The following NUP98 variants were observed in gnomAD, a reference collection of about 807,000 sequenced individuals.
NUP98 encodes nuclear pore complex protein Nup98-Nup96.
Under a neutral mutation model 191.9 loss-of-function variants are expected in NUP98, and 26 were observed. The observed-to-expected ratio is 0.14, with a 90% CI of 0.10 to 0.19. The LOEUF is 0.19. Ranked by LOEUF, NUP98 falls within the 10% of genes least tolerant of loss-of-function variation. The pLI, the probability that NUP98 is intolerant of heterozygous loss-of-function variation, is 1.00. For missense variants in NUP98, 1,941 were observed against 2,178.8 expected, an observed-to-expected ratio of 0.89 and a Z score of 2.17; for synonymous variants, 808 against 778.4, an observed-to-expected ratio of 1.04 and a Z score of -0.63.
At chr11:3,711,282 C>G (rs1448640697) in intron 20 of NUP98, among the ~76,000 whole-genome samples, 1 of 152,074 alleles carries the variant, frequency 6.6e-6, no homozygotes, top group African/African-American at 2.4e-5. Context: ...CTTACTACCT[C>G]TTTTTGCTAG....
chr11:3,742,684 G>A (rs1476360357), intron 12 of NUP98, among the ~76,000 whole-genome samples: 1 of 116,832 alleles, frequency 8.6e-6, no homozygotes, highest in Non-Finnish European at 1.6e-5. Flanking sequence ...AGGAGATAGA[G>A]CAAGACTCTG....
At chr11:3,723,533 T>C in intron 15 of NUP98, 78 bp from the exon 16 acceptor site, 1 of 1,212,044 alleles carries the variant, frequency 8.3e-7, no homozygotes, top group African/African-American at 1.5e-5. Flanking sequence ...TACCGAGCCT[T>C]TACTAAGTGC....
intron 27 of NUP98, among the ~76,000 whole-genome samples, chr11:3,692,699 T>C (rs1480664358): frequency 6.6e-6 from 1 of 152,192 alleles, no homozygotes; most frequent in African/African-American, 2.4e-5. Context: ...TGGTAAAGAT[T>C]TCAGGTAGCT....
At chr11:3,700,980 T>C in intron 23 of NUP98, 141 bp from the exon 24 acceptor site, 1 of 657,146 alleles carries the variant, frequency 1.5e-6, no homozygotes, top group East Asian at 2.7e-5. Context: ...AAATTTTGTT[T>C]CTTAAACTAT....
At chr11:3,677,097 GAAA>G (rs1031849752) in intron 31 of NUP98, among the ~76,000 whole-genome samples, 12 of 152,154 alleles carry the variant, frequency 7.9e-5, no homozygotes, top group African/African-American at 2.9e-4. Context: ...GAAACTGATA[GAAA>G]ATAAATAAGA....
chr11:3,706,361 C>A, intron 21 of NUP98, 84 bp downstream of exon 21: 1 of 1,298,290 alleles, frequency 7.7e-7, no homozygotes. Context: ...ATCTTAATAA[C>A]CAAGGAAGAG....
At chr11:3,693,782 T>C (rs956144512) in intron 26 of NUP98, among the ~76,000 whole-genome samples, 1 of 152,220 alleles carries the variant, frequency 6.6e-6, no homozygotes, top group Non-Finnish European at 1.5e-5. Flanking sequence ...TGTCAATGTA[T>C]AAAGCTTTAA....
In NUP98 at chr11:3,729,424, C is replaced by T. The variant is rs1411808817; in HGVS notation, c.1730+1967G>A. On this transcript the variant is annotated intron_variant, in intron 14 of 32. Transcript: ENST00000324932. Reference sequence around the variant, plus strand: ...GTAAAATGCTTCTGTTACATTAAGACGGTTGATAGGTAGCTGGGCGTGGTA... The same window carrying T: ...GTAAAATGCTTCTGTTACATTAAGATGGTTGATAGGTAGCTGGGCGTGGTA... Among the ~76,000 whole-genome samples, 8 of 150,902 alleles carry T rather than the reference C, an allele frequency of 5.3e-5. No individual in the cohort carries two copies. The South Asian group carries it at 8.4e-4, about 16-fold the overall frequency.
chr11:3,683,417 C>A lies in NUP98; in HGVS notation c.4701G>T (p.Glu1567Asp). The change falls in exon 30 of 33, where the codon GAG becomes GAT. Residue 1567 changes from glutamate (E) to aspartate (D), a missense_variant. By Grantham distance (45) the Glu-to-Asp change is conservative. Transcript: ENST00000324932. The part of the protein sequence containing the change: ...NSGIREKAVR[E>D]LLTRHCQLLE... ...ACAGCTGGCAGTGCCGGGTAAGCAG[C>A]TCTCGAACAGCCTTCTCACGTATGC... 1.2e-6 allele frequency: 2 copies of A among 1,614,168 alleles called. No individual in the cohort carries two copies. The highest frequency in any genetic ancestry group is 1.7e-6 in the Non-Finnish European group (2 of 1,180,026).
chr11:3,747,990 T>TG (rs2080572138), intron 11 of NUP98, among the ~76,000 whole-genome samples: 1 of 152,222 alleles, frequency 6.6e-6, no homozygotes, highest in Non-Finnish European at 1.5e-5. Context: ...CTGCTAAGGT[T>TG]GGGGGTGTAA....
intron 14 of NUP98, 30 bp downstream of exon 14, chr11:3,731,360 AC>A (rs763768418): frequency 3.4e-5 from 49 of 1,429,210 alleles, no homozygotes; most frequent in Non-Finnish European, 4.4e-5. Context: ...AGTATTTTAC[AC>A]TTAATTTCTG....
At chr11:3,781,342 G>A (rs2081960152) in intron 2 of NUP98, 1 of 151,872 alleles carries the variant, frequency 6.6e-6, no homozygotes, top group Non-Finnish European at 1.5e-5. Flanking sequence ...AAGTACATGA[G>A]AGTTCATTAT....
intron 2 of NUP98, among the ~76,000 whole-genome samples, chr11:3,780,556 AAAAAAAGAAAAAG>A (rs1247086110): frequency 4.2e-5 from 6 of 144,084 alleles, no homozygotes; most frequent in East Asian, 2.0e-4. Flanking sequence ...AAAAAAAAAA[AAAAAAAGAAAAAG>A]AAAAAGAAAA....
At chr11:3,741,308 G>A (rs543415698) in intron 12 of NUP98, among the ~76,000 whole-genome samples, 1 of 139,912 alleles carries the variant, frequency 7.1e-6, no homozygotes, top group Non-Finnish European at 1.5e-5. Context: ...CAGAGAACAA[G>A]AATGAATTCT....
intron 2 of NUP98, among the ~76,000 whole-genome samples, chr11:3,779,957 G>A (rs1284269359): frequency 2.6e-5 from 4 of 151,902 alleles, no homozygotes; most frequent in Admixed American, 6.6e-5. Flanking sequence ...GTGAAATCCC[G>A]CCTCTACTAA....
chr11:3,783,192 G>C (rs1222931922), intron 1 of NUP98, among the ~76,000 whole-genome samples: 3 of 152,210 alleles, frequency 2.0e-5, no homozygotes, highest in South Asian at 2.1e-4. Context: ...AGGAGTTCGA[G>C]ACCAGCCTGG....
intron 14 of NUP98, among the ~76,000 whole-genome samples, chr11:3,727,541 C>T (rs1452240122): frequency 6.6e-6 from 1 of 151,994 alleles, no homozygotes; most frequent in Non-Finnish European, 1.5e-5. Flanking sequence ...TGGACTGAAA[C>T]ATAGCAACTG....
intron 31 of NUP98, among the ~76,000 whole-genome samples, chr11:3,678,430 T>C (rs1284850265): frequency 6.6e-6 from 1 of 152,212 alleles, no homozygotes; most frequent in Non-Finnish European, 1.5e-5. Flanking sequence ...AAGGGGCTTA[T>C]AGCAACCTGA....
intron 1 of NUP98, among the ~76,000 whole-genome samples, chr11:3,783,301 G>C (rs1341007659): frequency 6.6e-6 from 1 of 152,134 alleles, no homozygotes; most frequent in Non-Finnish European, 1.5e-5. Context: ...GGTGGGAGGA[G>C]CGCTTGAGCC....
Sources: gnomAD v4.1 joint callset for allele counts (sites outside exome capture counted in the v4.1 genomes callset) on GRCh38, gnomAD v4.1.1 for gene constraint, MANE v1.5 for transcripts, NCBI Gene and HGNC (gene_info 2026-07-23, HGNC 2026-07-21) for gene names.